UBE3C: variants seen among roughly 807,000 people sequenced by gnomAD.
UBE3C encodes the protein ubiquitin protein ligase E3C, also known as ubiquitin-protein ligase E3C.
A neutral mutation model predicts 129.4 loss-of-function variants in UBE3C; 42 were observed. The observed-to-expected ratio is 0.32, with a 90% CI of 0.25 to 0.42. UBE3C has a LOEUF of 0.42. UBE3C is among the 10% of genes least tolerant of loss of function. The pLI is 1.00. For synonymous variants in UBE3C, 510 were observed against 492.4 expected (o/e 1.04, Z -0.47); for missense variants, 1,049 against 1,319.1 (o/e 0.80, Z 3.17).
At chr7:157,189,105 C>T in intron 10 of UBE3C, 1 of 408,400 alleles carries the variant, frequency 2.4e-6, no homozygotes, top group East Asian at 3.5e-5. Context: ...ATTCATATTG[C>T]ATAAAGAAAC....
intron 22 of UBE3C, among the ~76,000 whole-genome samples, chr7:157,260,385 T>G (rs1796869309): frequency 6.6e-6 from 1 of 151,996 alleles, no homozygotes; most frequent in South Asian, 2.1e-4. Flanking sequence ...CAGGTTCGTG[T>G]GTGAAGAAAT....
At chr7:157,165,505 C>G (rs945096776) in intron 2 of UBE3C, among the ~76,000 whole-genome samples, 4 of 150,916 alleles carry the variant, frequency 2.7e-5, no homozygotes, top group Non-Finnish European at 5.9e-5. Flanking sequence ...TCAAGCGATT[C>G]TCCTGCCTCA....
chr7:157,193,925 ATC>A (rs553317577), intron 10 of UBE3C, among the ~76,000 whole-genome samples: 45 of 152,234 alleles, frequency 3.0e-4, no homozygotes, highest in African/African-American at 9.6e-4. Context: ...CCTAACGTAA[ATC>A]TCTATTTTGG....
intron 18 of UBE3C, among the ~76,000 whole-genome samples, chr7:157,234,065 A>G (rs1459240331): frequency 6.6e-6 from 1 of 152,250 alleles, no homozygotes; most frequent in Admixed American, 6.5e-5. Context: ...GCAATGAATT[A>G]TGAAATTTAT....
intron 16 of UBE3C, 90 bp downstream of exon 16, chr7:157,223,441 C>G: frequency 1.7e-6 from 2 of 1,149,876 alleles, no homozygotes; most frequent in Non-Finnish European, 2.5e-6. Context: ...CTAAAGGTGC[C>G]TAGTGCCTGG....
chr7:157,236,240 C>A (rs1044088941), intron 18 of UBE3C, among the ~76,000 whole-genome samples: 1 of 145,564 alleles, frequency 6.9e-6, no homozygotes, highest in Non-Finnish European at 1.5e-5. Flanking sequence ...TCATCTTGAA[C>A]TTTTTTTTAC....
intron 16 of UBE3C, among the ~76,000 whole-genome samples, chr7:157,224,280 C>T (rs1259696782): frequency 2.0e-5 from 3 of 152,032 alleles, no homozygotes; most frequent in Non-Finnish European, 2.9e-5. Flanking sequence ...CTGCAACCTC[C>T]GCCTCCCGGA....
intron 22 of UBE3C, among the ~76,000 whole-genome samples, chr7:157,265,568 T>C (rs1268582995): frequency 1.3e-5 from 2 of 152,238 alleles, no homozygotes; most frequent in African/African-American, 4.8e-5. Context: ...CTGAGAGAAG[T>C]GCCCAGCAAC....
At chr7:157,264,590 T>C (rs1048106550) in intron 22 of UBE3C, among the ~76,000 whole-genome samples, 4 of 152,146 alleles carry the variant, frequency 2.6e-5, no homozygotes, top group African/African-American at 9.7e-5. Context: ...CACAAACATA[T>C]ATATTTTTAA....
intron 18 of UBE3C, among the ~76,000 whole-genome samples, chr7:157,236,181 G>A (rs1182433): frequency 0.96 from 146,444 of 152,298 alleles, 70,442 homozygotes; most frequent in East Asian, 1. Flanking sequence ...TCGCCTGTAA[G>A]TCAGGCTGCA....
intron 21 of UBE3C, among the ~76,000 whole-genome samples, chr7:157,254,861 G>A (rs1007898540): frequency 6.6e-6 from 1 of 152,048 alleles, no homozygotes; most frequent in African/African-American, 2.4e-5. Context: ...GCAATGTGGC[G>A]AAATCCCATC....
chr7:157,247,687 G>A (rs1012738456), intron 18 of UBE3C, among the ~76,000 whole-genome samples: 7 of 151,094 alleles, frequency 4.6e-5, no homozygotes, highest in Admixed American at 1.3e-4. Context: ...GCAAGACTCC[G>A]TCTCCAAAAA....
intron 19 of UBE3C, 92 bp from the exon 20 acceptor site, chr7:157,253,862 C>T: frequency 8.1e-7 from 1 of 1,229,246 alleles, no homozygotes; most frequent in Non-Finnish European, 1.1e-6. Context: ...AGCATCAAGT[C>T]CTATTTCCTT....
chr7:157,257,024 C>A lies in UBE3C; in HGVS notation c.3061C>A (p.Pro1021Thr). 1 of 1,614,184 alleles carries A rather than the reference C, an allele frequency of 6.2e-7. No homozygotes were observed. The highest frequency in any genetic ancestry group is 1.1e-5 in the South Asian group (1 of 91,082). Residue 1021 changes from proline (P) to threonine (T), a missense_variant, in exon 22 of 23, where the codon CCC (proline) becomes ACC (threonine). Transcript: ENST00000348165. ...LLKFVTSCSRPPLLGFKELYP... is the reference protein window; with the variant it reads ...LLKFVTSCSRTPLLGFKELYP... ...GAAGTTTGTAACAAGCTGCTCTCGA[C>A]CCCCTCTCTTGGGGTTTAAGGTACA... is the stretch of plus-strand genomic sequence containing the variant.
At chr7:157,182,459 G>A in intron 8 of UBE3C, 131 bp downstream of exon 8, 1 of 886,692 alleles carries the variant, frequency 1.1e-6, no homozygotes, top group Non-Finnish European at 1.7e-6. Flanking sequence ...ATTTGCTGGA[G>A]GGATGTGGTC....
At chr7:157,222,959 C>G (rs1252379530) in intron 15 of UBE3C, 1 of 260,698 alleles carries the variant, frequency 3.8e-6, no homozygotes, top group East Asian at 9.8e-5. Flanking sequence ...GGCCTCACCG[C>G]CAGTGCTAGG....
chr7:157,212,247 A>G (rs938332071), intron 13 of UBE3C, among the ~76,000 whole-genome samples: 1 of 152,166 alleles, frequency 6.6e-6, no homozygotes, highest in Non-Finnish European at 1.5e-5. Context: ...TAGTTACCAG[A>G]TTTTACATAT....
At chr7:157,192,589 G>A in intron 10 of UBE3C, 2 of 765,612 alleles carry the variant, frequency 2.6e-6, no homozygotes, top group East Asian at 2.4e-5. Context: ...AGACTTCGTG[G>A]TGGTGCTAAG....
chr7:157,258,909 T>G (rs1351110438), intron 22 of UBE3C, among the ~76,000 whole-genome samples: 1 of 152,250 alleles, frequency 6.6e-6, no homozygotes, highest in Non-Finnish European at 1.5e-5. Context: ...ACATTTACTT[T>G]ATCATTCTTT....
Sources: allele counts gnomAD v4.1 joint callset (sites outside exome capture counted in the v4.1 genomes callset), GRCh38; gene constraint gnomAD v4.1.1; transcripts MANE v1.5; gene names NCBI Gene and HGNC (gene_info 2026-07-23, HGNC 2026-07-21).